Variants in KCTD12 observed in about 807,000 individuals in gnomAD.
The protein encoded by KCTD12 is potassium channel tetramerization domain containing 12, also known as BTB/POZ domain-containing protein KCTD12.
In KCTD12, 16 loss-of-function variants were observed where a neutral mutation model predicts 22.6. That is an observed-to-expected ratio of 0.71 (90% CI 0.48 to 1.07). The LOEUF (loss-of-function observed/expected upper bound fraction) is 1.07, where lower values mean the gene tolerates loss of function less well. KCTD12 is among the 50% of genes least tolerant of loss of function. The pLI is 0.00. For synonymous variants in KCTD12, 260 were observed against 228.0 expected, an observed-to-expected ratio of 1.14 and a Z score of -1.26; for missense variants, 452 against 469.2, an observed-to-expected ratio of 0.96 and a Z score of 0.34.
Position 76,885,859 on chromosome 13 carries a change from C to G in KCTD12, c.290G>C (p.Arg97Pro). Residue 97 changes from arginine (R) to proline (P), a missense_variant, in exon 1 of 1, where the codon CGG (arginine) becomes CCG (proline). By Grantham distance (103) the Arg-to-Pro change is moderately radical. This residue lies in a region of KCTD12 where 330 missense variants were observed against 296.5 expected (regional missense o/e 1.11). Transcript: ENST00000377474. This position sits in a 1 kb window ranked among gnomAD's most constrained non-coding sequence, Gnocchi z 5.1. The stretch of plus-strand genomic sequence containing the variant: ...GTCGGGCAGCACGAGCTGCAAGTCC[C>G]GCAGGTAATCCAGGATGTAGCGGAA... ...FLFRYILDYL[R>P]DLQLVLPDYF... 6.3e-7 allele frequency: 1 copy of G among 1,596,938 alleles called. No individual in the cohort carries two copies. Among genetic ancestry groups the G allele is most frequent in the Non-Finnish European group, 8.5e-7 (1 of 1,179,364 alleles).
rs2033219443 is a variant in KCTD12, at chr13:76,882,904, G to A, written c.*2267C>T. On this transcript the variant is annotated 3_prime_UTR_variant, in exon 1 of 1. Coordinates refer to ENST00000377474, the MANE Select transcript of KCTD12 (RefSeq NM_138444.4). ...CTATTTCCCAACTAAAAAAAAATTA[G>A]TGGATTAAAAATACAGGTACCTTGA... 1.3e-5 allele frequency: 2 copies of A among 152,090 alleles called. No homozygotes were observed. Among genetic ancestry groups the A allele is most frequent in the Non-Finnish European group, 2.9e-5 (2 of 68,018 alleles). 9.4% of individuals were successfully genotyped at this position (152,090 alleles called of 1,614,324 possible). A position where few individuals can be genotyped will look rare whatever the true frequency, so the allele number is the denominator to read the frequency against.
Position 76,885,636 on chromosome 13 carries a change from A to T in KCTD12, c.513T>A (p.Ser171=), listed in dbSNP as rs746942957. The change falls in exon 1 of 1, where the codon TCT becomes TCA. Residue 171 remains serine (S), a synonymous_variant. Transcript: ENST00000377474. The surrounding 1 kb of genome is among the most constrained non-coding windows in gnomAD (Gnocchi z 5.1). ...CCAGCGTGGGCGACGGCGCCCCGGC[A>T]GAGGCGCCCTCCTGCTGTTCGGGCT... The part of the protein sequence containing the change: ...YSEPEQQEGA[S]AGAPSPTLEL... 2.0e-6 allele frequency: 3 copies of T among 1,496,048 alleles called. No homozygotes were observed. The highest frequency in any genetic ancestry group is 2.6e-5 in the South Asian group (2 of 76,338). 92.7% of individuals were successfully genotyped at this position (1,496,048 alleles called of 1,614,324 possible). A position where few individuals can be genotyped will look rare whatever the true frequency, so the allele number is the denominator to read the frequency against.
rs975305329 is a variant in KCTD12 at position 76,886,300 on chromosome 13, G to T, written c.-152C>A. Reference sequence around the variant, plus strand: ...CGCCACCGCCGCCACCGCCACCGCCGCCACCTCCTAGAGCCGCGCGGAGCC... The same window carrying T: ...CGCCACCGCCGCCACCGCCACCGCCTCCACCTCCTAGAGCCGCGCGGAGCC... On this transcript the variant is annotated 5_prime_UTR_variant, in exon 1 of 1. Transcript: ENST00000377474. 1.9e-5 allele frequency: 18 copies of T among 934,614 alleles called. 1 individual carries two copies. In the South Asian group the frequency reaches 4.9e-4, roughly 25 times the overall value. 57.9% of individuals were successfully genotyped at this position (934,614 alleles called of 1,614,324 possible).
chr13:76,886,192 T>C lies in KCTD12; in HGVS notation c.-44A>G. On this transcript the variant is annotated 5_prime_UTR_variant, in exon 1 of 1. Coordinates refer to ENST00000377474, the MANE Select transcript of KCTD12 (RefSeq NM_138444.4). ...CCGGGACAGTGGCAGGAAGCCGCGC[T>C]GCACTCAGGAGCTGCAACCGCCTTC... The C allele has an allele frequency of 7.1e-6, 10 of 1,414,650 alleles. No homozygotes were observed. In the South Asian group the frequency reaches 1.4e-4, roughly 20 times the overall value. The allele number at this position is 1,414,650 out of a possible 1,614,324, so 87.6% of individuals were successfully genotyped here.
chr13:76,882,557 G>A lies in KCTD12; in HGVS notation c.*2614C>T, dbSNP rs1183848796. The A allele has an allele frequency of 3.9e-5, 6 of 152,168 alleles. No homozygotes were observed. 9.4% of individuals were successfully genotyped at this position (152,168 alleles called of 1,614,324 possible). A position where few individuals can be genotyped will look rare whatever the true frequency, so the allele number is the denominator to read the frequency against. On this transcript the variant is annotated 3_prime_UTR_variant, in exon 1 of 1. Coordinates refer to ENST00000377474, the MANE Select transcript of KCTD12 (RefSeq NM_138444.4). ...TTTGAGAAGGGAAATCAGAATCGCC[G>A]AGCCTTGCCATCTGTCAGTGGTTTT...
chr13:76,884,131 T>TCCCTTCCCA lies in KCTD12; in HGVS notation c.*1031_*1039dup, dbSNP rs2033233529. On this transcript the variant is annotated 3_prime_UTR_variant, in exon 1 of 1. Transcript: ENST00000377474. ...AATCATAAATGACTATGTCTGCTTC[T>TCCCTTCCCA]CCCTTCCCACCCTTCCTACCCTTTC... 1 of 151,822 alleles carries TCCCTTCCCA rather than the reference T, an allele frequency of 6.6e-6. No individual in the cohort carries two copies. The allele number at this position is 151,822 out of a possible 1,614,324, so 9.4% of individuals were successfully genotyped here.
Position 76,883,860 on chromosome 13 carries a change from G to A in KCTD12, c.*1311C>T, listed in dbSNP as rs142071448. ...TTTGCGCAATAGATTCCAAAATCAG[G>A]ATTTATAATCAACAAGAAAATAAAA... On this transcript the variant is annotated 3_prime_UTR_variant, in exon 1 of 1. Coordinates refer to ENST00000377474, the MANE Select transcript of KCTD12 (RefSeq NM_138444.4). The A allele has an allele frequency of 5.2e-5, 8 of 152,592 alleles. No individual in the cohort carries two copies. The highest frequency in any genetic ancestry group is 1.9e-4 in the African/African-American group (8 of 41,490). 9.5% of individuals were successfully genotyped at this position (152,592 alleles called of 1,614,324 possible). A position where few individuals can be genotyped will look rare whatever the true frequency, so the allele number is the denominator to read the frequency against.
Position 76,885,543 on chromosome 13 carries a change from G to T in KCTD12, c.606C>A (p.Asp202Glu). ...TGATGTAGCCCGAGCGCCGGCTGCC[G>T]TCCAGCGACTGGGACGGCGTGAGCA... is the stretch of plus-strand genomic sequence containing the variant. The part of the protein sequence containing the change: ...GPLLTPSQSL[D>E]GSRRSGYITI... Residue 202 changes from aspartate to glutamate, a missense_variant, in exon 1 of 1, where the codon GAC becomes GAA. Transcript: ENST00000377474. This position sits in a 1 kb window ranked among gnomAD's most constrained non-coding sequence, Gnocchi z 5.1. 6.4e-7 allele frequency: 1 copy of T among 1,567,016 alleles called. No homozygotes were observed. The highest frequency in any genetic ancestry group is 1.1e-5 in the South Asian group (1 of 87,104).
rs2033232171 is a variant in KCTD12 at position 76,884,020 on chromosome 13, A to G, written c.*1151T>C. On this transcript the variant is annotated 3_prime_UTR_variant, in exon 1 of 1. Coordinates refer to ENST00000377474, the MANE Select transcript of KCTD12 (RefSeq NM_138444.4). ...GAGTAGGTCTGTTATTAATCTTTAT[A>G]AAATACTTGGCATGTTTGCATTTAC... is the stretch of plus-strand genomic sequence containing the variant. The G allele has an allele frequency of 6.6e-6, 1 of 152,646 alleles. No individual in the cohort carries two copies. The highest frequency in any genetic ancestry group is 2.4e-5 in the African/African-American group (1 of 41,460). The allele number at this position is 152,646 out of a possible 1,614,324, so 9.5% of individuals were successfully genotyped here.
At position 76,885,792 on chromosome 13, in the gene KCTD12, G is replaced by A. The variant is rs772439680; in HGVS notation, c.357C>T (p.Tyr119=). The A allele has an allele frequency of 2.1e-5, 34 of 1,586,818 alleles. No individual in the cohort carries two copies. The highest frequency in any genetic ancestry group is 2.6e-5 in the Non-Finnish European group (31 of 1,175,444). ...GGCGCACGAGCTCTGGCAGCTCGAA[G>A]TACTCGGCCTCGCGCTGCAGCCGGC... ...ERSRLQREAE[Y]FELPELVRRL... is the part of the protein sequence containing the mutation. Residue 119 remains tyrosine (Y), a synonymous_variant, in exon 1 of 1, where the codon TAC becomes TAT. Coordinates refer to ENST00000377474, the MANE Select transcript of KCTD12 (RefSeq NM_138444.4). This position sits in a 1 kb window ranked among gnomAD's most constrained non-coding sequence, Gnocchi z 5.1.
In KCTD12 at chr13:76,884,996, G is replaced by A. The variant is rs9318458; in HGVS notation, c.*175C>T. On this transcript the variant is annotated 3_prime_UTR_variant, in exon 1 of 1. Coordinates refer to ENST00000377474, the MANE Select transcript of KCTD12 (RefSeq NM_138444.4). ...AGACGAAGCAGCCCAGAGGATTTGCGGCTGCAGGTTCTGTAGTGGAGGGAA... is the reference window on the plus strand; with the variant it reads ...AGACGAAGCAGCCCAGAGGATTTGCAGCTGCAGGTTCTGTAGTGGAGGGAA... 6.6e-3 allele frequency: 4,513 copies of A among 682,294 alleles called. 145 individuals carry two copies. The African/African-American group carries it at 0.07, about 11-fold the overall frequency. 42.3% of individuals were successfully genotyped at this position (682,294 alleles called of 1,614,324 possible).
In KCTD12 at chr13:76,884,995, C is replaced by A; in HGVS notation, c.*176G>T. ...AAGACGAAGCAGCCCAGAGGATTTG[C>A]GGCTGCAGGTTCTGTAGTGGAGGGA... is the stretch of plus-strand genomic sequence containing the variant. On this transcript the variant is annotated 3_prime_UTR_variant, in exon 1 of 1. Coordinates refer to ENST00000377474, the MANE Select transcript of KCTD12 (RefSeq NM_138444.4). The A allele has an allele frequency of 1.5e-6, 1 of 676,732 alleles. No individual in the cohort carries two copies. The highest frequency in any genetic ancestry group is 2.0e-5 in the South Asian group (1 of 50,760). 41.9% of individuals were successfully genotyped at this position (676,732 alleles called of 1,614,324 possible). A position where few individuals can be genotyped will look rare whatever the true frequency, so the allele number is the denominator to read the frequency against.
rs1327391011 is a variant in KCTD12 at position 76,884,244 on chromosome 13, A to G, written c.*927T>C. On this transcript the variant is annotated 3_prime_UTR_variant, in exon 1 of 1. Coordinates refer to ENST00000377474, the MANE Select transcript of KCTD12 (RefSeq NM_138444.4). ...CATTGAAAGAATACAGGCTTTCCTA[A>G]TACCCACGACGTGCACTATGACCCA... 6.6e-6 allele frequency: 1 copy of G among 150,434 alleles called. No individual in the cohort carries two copies. The highest frequency in any genetic ancestry group is 2.5e-5 in the African/African-American group (1 of 40,648). 9.3% of individuals were successfully genotyped at this position (150,434 alleles called of 1,614,324 possible). A position where few individuals can be genotyped will look rare whatever the true frequency, so the allele number is the denominator to read the frequency against.
chr13:76,886,270 G>GCCGCCGCCA lies in KCTD12; in HGVS notation c.-131_-123dup, dbSNP rs750741203. 6,021 of 1,162,204 alleles carry GCCGCCGCCA rather than the reference G, an allele frequency of 5.2e-3. 26 individuals carry two copies. Among genetic ancestry groups the GCCGCCGCCA allele is most frequent in the Admixed American group, 9.3e-3 (213 of 22,856 alleles). 72.0% of individuals were successfully genotyped at this position (1,162,204 alleles called of 1,614,324 possible). A position where few individuals can be genotyped will look rare whatever the true frequency, so the allele number is the denominator to read the frequency against. ...CTCAGCCCTGCGCCCCGCCGCCGCC[G>GCCGCCGCCA]CCGCCGCCACCGCCGCCACCGCCAC... On this transcript the variant is annotated 5_prime_UTR_variant, in exon 1 of 1. Coordinates refer to ENST00000377474, the MANE Select transcript of KCTD12 (RefSeq NM_138444.4).
At position 76,884,222 on chromosome 13, in the gene KCTD12, T is replaced by TGAAA. The variant is rs1361238188; in HGVS notation, c.*945_*948dup. ...AAAGGAAGGTCCTACTGACATTCAT[T>TGAAA]GAAAGAATACAGGCTTTCCTAATAC... On this transcript the variant is annotated 3_prime_UTR_variant, in exon 1 of 1. Transcript: ENST00000377474. 7.0e-6 allele frequency: 1 copy of TGAAA among 142,088 alleles called. No individual in the cohort carries two copies. The highest frequency in any genetic ancestry group is 6.9e-5 in the Admixed American group (1 of 14,392). The allele number at this position is 142,088 out of a possible 1,614,324, so 8.8% of individuals were successfully genotyped here. A position where few individuals can be genotyped will look rare whatever the true frequency, so the allele number is the denominator to read the frequency against.
In KCTD12 at chr13:76,882,363, T is replaced by G. The variant is rs1055093926; in HGVS notation, c.*2808A>C. The G allele has an allele frequency of 6.6e-6, 1 of 151,996 alleles. No individual in the cohort carries two copies. The highest frequency in any genetic ancestry group is 2.1e-4 in the South Asian group (1 of 4,806). 9.4% of individuals were successfully genotyped at this position (151,996 alleles called of 1,614,324 possible). ...ACCATTAAATTCCCAGTCTTTCAAATAATGTGCGGGGCGGGGGGTGCTGGG... is the reference window on the plus strand; with the variant it reads ...ACCATTAAATTCCCAGTCTTTCAAAGAATGTGCGGGGCGGGGGGTGCTGGG... On this transcript the variant is annotated 3_prime_UTR_variant, in exon 1 of 1. Transcript: ENST00000377474.
At position 76,885,916 on chromosome 13, in the gene KCTD12, C is replaced by T. The variant is rs771165720; in HGVS notation, c.233G>A (p.Gly78Asp). The change falls in exon 1 of 1, where the codon GGC becomes GAC. Residue 78 changes from glycine (G) to aspartate (D), a missense_variant. Coordinates refer to ENST00000377474, the MANE Select transcript of KCTD12 (RefSeq NM_138444.4). The surrounding 1 kb of genome is among the most constrained non-coding windows in gnomAD (Gnocchi z 5.1). ...QPQELARDSK[G>D]RFFLDRDGFL... is the part of the protein sequence containing the mutation. ...GCCGTCCCGGTCCAGAAAGAAGCGG[C>T]CTTTGCTGTCCCGGGCCAGCTCCTG... 2 of 1,595,914 alleles carry T rather than the reference C, an allele frequency of 1.3e-6. No individual in the cohort carries two copies. Among genetic ancestry groups the T allele is most frequent in the South Asian group, 2.2e-5 (2 of 90,518 alleles).
At position 76,882,642 on chromosome 13, in the gene KCTD12, A is replaced by G. The variant is rs1188833663; in HGVS notation, c.*2529T>C. On this transcript the variant is annotated 3_prime_UTR_variant, in exon 1 of 1. Coordinates refer to ENST00000377474, the MANE Select transcript of KCTD12 (RefSeq NM_138444.4). ...CTGTTGAACAATCTAACAAAATACCATACGGGGTAGAGAAATCTCTGCAAC... is the reference window on the plus strand; with the variant it reads ...CTGTTGAACAATCTAACAAAATACCGTACGGGGTAGAGAAATCTCTGCAAC... The G allele has an allele frequency of 6.6e-6, 1 of 152,214 alleles. No homozygotes were observed. Among genetic ancestry groups the G allele is most frequent in the African/African-American group, 2.4e-5 (1 of 41,456 alleles). 9.4% of individuals were successfully genotyped at this position (152,214 alleles called of 1,614,324 possible).
chr13:76,881,120 A>G lies in KCTD12; in HGVS notation c.*4051T>C, dbSNP rs2033198088. The stretch of plus-strand genomic sequence containing the variant: ...ATTTTACTTATTTCTCAAGAGACAG[A>G]CTTATGCCATCTAAGAAAATGAATT... On this transcript the variant is annotated 3_prime_UTR_variant, in exon 1 of 1. Coordinates refer to ENST00000377474, the MANE Select transcript of KCTD12 (RefSeq NM_138444.4). 1 of 152,208 alleles carries G rather than the reference A, an allele frequency of 6.6e-6. No homozygotes were observed. 9.4% of individuals were successfully genotyped at this position (152,208 alleles called of 1,614,324 possible).
Sources: gnomAD v4.1 joint callset for allele counts on GRCh38, gnomAD v4.1.1 for gene constraint, gnomAD v4.1.1 regional missense constraint, Gnocchi (gnomAD v3.1) non-coding constraint, MANE v1.5 for transcripts, NCBI Gene and HGNC (gene_info 2026-07-23, HGNC 2026-07-21) for gene names.